Variants in SLC5A9 observed in about 807,000 individuals in gnomAD.
The protein encoded by SLC5A9 is solute carrier family 5 member 9.
Under a neutral mutation model 70.9 loss-of-function variants are expected in SLC5A9, and 59 were observed. The ratio of observed to expected loss-of-function variants is 0.83; its 90% CI spans 0.68 to 1.03. The LOEUF is 1.03. Among genes scored for constraint, SLC5A9 ranks in the 50% least tolerant of loss-of-function variants. SLC5A9 has a pLI of 0.00. For missense variants in SLC5A9, 832 were observed against 881.1 expected (o/e 0.94, Z 0.71); for synonymous variants, 340 against 346.5 (o/e 0.98, Z 0.21).
chr1:48,229,016 A>T, intron 3 of SLC5A9, 62 bp downstream of exon 3: 1 of 1,613,420 alleles, frequency 6.2e-7, no homozygotes, highest in Non-Finnish European at 8.5e-7. Flanking sequence ...TGTCTCTGGC[A>T]TTAGTGCTGG....
rs1225450689 is a variant in SLC5A9, at chr1:48,229,176, A to T, written c.340-119A>T. The T allele has an allele frequency of 1.2e-6, 2 of 1,614,042 alleles. 1 individual carries two copies. The highest frequency in any genetic ancestry group is 2.2e-5 in the South Asian group (2 of 91,070). On this transcript the variant is annotated intron_variant, in intron 3 of 13. Transcript: ENST00000438567. ...CACGGGAGGACTGGGGTCAGGTCCC[A>T]GGTCTCTTATTTCTCTGTTCGGGGG...
intron 10 of SLC5A9, 64 bp downstream of exon 10, chr1:48,235,943 C>T: frequency 1.3e-6 from 2 of 1,598,150 alleles, no homozygotes; most frequent in Non-Finnish European, 1.7e-6. Context: ...CCCTGGGTTA[C>T]CCTGAACAGA....
chr1:48,229,134 G>A (rs1644208536), intron 3 of SLC5A9, 161 bp from the exon 4 acceptor site: 7 of 1,613,824 alleles, frequency 4.3e-6, no homozygotes, highest in Non-Finnish European at 5.9e-6. Context: ...GGAGACAGAG[G>A]GATCCATCCA....
chr1:48,244,155 G>A (rs1644423313), intron 13 of SLC5A9, among the ~76,000 whole-genome samples: 1 of 152,166 alleles, frequency 6.6e-6, no homozygotes, highest in African/African-American at 2.4e-5. Flanking sequence ...GTGCCTGGAC[G>A]GAGTTAGGGT....
Position 48,242,626 on chromosome 1 carries a change from G to A in SLC5A9, c.1837+10G>A, listed in dbSNP as rs201538067. On this transcript the variant is annotated intron_variant, in intron 13 of 13. Coordinates refer to ENST00000438567, the MANE Select transcript of SLC5A9 (RefSeq NM_001011547.3). ...CAGGAGCAGCCTGAAGGTAGGCTGC[G>A]GCAGGCCGGGGGATACTCATCACAG... The A allele has an allele frequency of 1.1e-3, 1,828 of 1,602,314 alleles. No homozygotes were observed. Among genetic ancestry groups the A allele is most frequent in the Non-Finnish European group, 1.5e-3 (1,706 of 1,174,124 alleles).
intron 2 of SLC5A9, among the ~76,000 whole-genome samples, chr1:48,227,346 G>A (rs1644172828): frequency 7.0e-6 from 1 of 143,384 alleles, no homozygotes; most frequent in Non-Finnish European, 1.5e-5. Context: ...GTGTCAGAGT[G>A]TGTGTGTACT....
intron 5 of SLC5A9, 148 bp from the exon 6 acceptor site, chr1:48,231,397 G>C: frequency 1.0e-6 from 1 of 976,430 alleles, no homozygotes; most frequent in South Asian, 1.7e-5. Context: ...GGGAACACTA[G>C]GTGCGGAGAA....
At position 48,247,702 on chromosome 1, in the gene SLC5A9, A is replaced by C; in HGVS notation, c.*159A>C. 1 of 691,318 alleles carries C rather than the reference A, an allele frequency of 1.4e-6. No homozygotes were observed. Among genetic ancestry groups the C allele is most frequent in the Non-Finnish European group, 2.5e-6 (1 of 407,330 alleles). The allele number at this position is 691,318 out of a possible 1,614,324, so 42.8% of individuals were successfully genotyped here. A position where few individuals can be genotyped will look rare whatever the true frequency, so the allele number is the denominator to read the frequency against. On this transcript the variant is annotated 3_prime_UTR_variant, in exon 14 of 14. Transcript: ENST00000438567. The stretch of plus-strand genomic sequence containing the variant: ...GAATCCAACTCAACCTGCACACTTG[A>C]CAAGTGGAGAAACAGAAGCCCAGAG...
intron 2 of SLC5A9, among the ~76,000 whole-genome samples, chr1:48,226,815 C>CAAGA (rs1644153970): frequency 1.3e-5 from 2 of 152,242 alleles, no homozygotes; most frequent in Admixed American, 6.5e-5. Context: ...GGAGGTGCCT[C>CAAGA]ACTGCTCCAA....
chr1:48,229,709 A>T (rs1375340309), intron 4 of SLC5A9: 1 of 541,972 alleles, frequency 1.8e-6, no homozygotes. Flanking sequence ...TCATTCATTT[A>T]TTTTTTCATT....
intron 9 of SLC5A9, among the ~76,000 whole-genome samples, chr1:48,235,278 A>G (rs1644310730): frequency 2.0e-5 from 3 of 152,222 alleles, no homozygotes; most frequent in Admixed American, 2.0e-4. Context: ...CACCATGTCA[A>G]TGAAGAAGGT....
intron 9 of SLC5A9, among the ~76,000 whole-genome samples, chr1:48,235,254 C>A (rs1644310202): frequency 6.6e-6 from 1 of 152,210 alleles, no homozygotes; most frequent in African/African-American, 2.4e-5. Context: ...CAAGCCAGGG[C>A]TTTAGCCCAA....
rs180718958 is a variant in SLC5A9, at chr1:48,228,419, C to G, written c.235-431C>G. On this transcript the variant is annotated intron_variant, in intron 2 of 13. Coordinates refer to ENST00000438567, the MANE Select transcript of SLC5A9 (RefSeq NM_001011547.3). ...TCGACCTGGCCTGTGCTCAGTCCCT[C>G]GGCTCCTCCCTCTGCCTGGCTATCC... The G allele has an allele frequency of 1.6e-5, 3 of 185,530 alleles. No individual in the cohort carries two copies. The East Asian group carries it at 4.2e-4, about 26-fold the overall frequency. 11.5% of individuals were successfully genotyped at this position (185,530 alleles called of 1,614,324 possible).
rs114587323 is a variant in SLC5A9, at chr1:48,230,292, C to T, written c.505-308C>T. On this transcript the variant is annotated intron_variant, in intron 4 of 13. Coordinates refer to ENST00000438567, the MANE Select transcript of SLC5A9 (RefSeq NM_001011547.3). ...GAGCTCTTCTTCTCCAGCCCAGCAC[C>T]TTCCTTCACTTCCTCAGCCTTCCAC... Among the ~76,000 whole-genome samples, 815 of 152,338 alleles carry T rather than the reference C, an allele frequency of 5.3e-3. 12 individuals are homozygous for T. Among genetic ancestry groups the T allele is most frequent in the African/African-American group, 0.019 (790 of 41,574 alleles).
At chr1:48,229,246 T>C in intron 3 of SLC5A9, 49 bp from the exon 4 acceptor site, 1 of 1,613,820 alleles carries the variant, frequency 6.2e-7, no homozygotes, top group East Asian at 2.2e-5. Context: ...GCCGCCCCTC[T>C]GTCTACATCC....
chr1:48,230,487 C>T, intron 4 of SLC5A9, 113 bp from the exon 5 acceptor site: 3 of 707,654 alleles, frequency 4.2e-6, no homozygotes, highest in Non-Finnish European at 7.6e-6. Context: ...TCATTTTCAT[C>T]ATGTGATGAG....
At chr1:48,227,407 TGGGC>T (rs1221432958) in intron 2 of SLC5A9, among the ~76,000 whole-genome samples, 1 of 136,274 alleles carries the variant, frequency 7.3e-6, no homozygotes, top group Non-Finnish European at 1.5e-5. Context: ...TGTGCCTGTG[TGGGC>T]GTGAGTGCAT....
chr1:48,229,249 C>T lies in SLC5A9; in HGVS notation c.340-46C>T, dbSNP rs746896715. 1.1e-5 allele frequency: 18 copies of T among 1,613,988 alleles called. No homozygotes were observed. In the East Asian group the frequency reaches 3.8e-4, roughly 34 times the overall value. ...TCTGGGTGGGAAGCCGCCCCTCTGT[C>T]TACATCCAGGACCTGGATACCTTCT... On this transcript the variant is annotated intron_variant, in intron 3 of 13. Coordinates refer to ENST00000438567, the MANE Select transcript of SLC5A9 (RefSeq NM_001011547.3).
Position 48,232,405 on chromosome 1 carries a change from T to A in SLC5A9, c.936T>A (p.Ser312=). 6.2e-7 allele frequency: 1 copy of A among 1,614,186 alleles called. No homozygotes were observed. The highest frequency in any genetic ancestry group is 1.3e-5 in the African/African-American group (1 of 75,040). The change falls in exon 8 of 14, where the codon TCT becomes TCA. Residue 312 remains serine (S), a synonymous_variant. Transcript: ENST00000438567. The part of the protein sequence containing the change: ...VQRSLSAKSL[S]HAKGGSVLGG... ...GGTCTCTCTCGGCCAAGAGTCTGTC[T>A]CATGCCAAGGGAGGCTCCGTGCTGG... is the stretch of plus-strand genomic sequence containing the variant.
Sources: gnomAD v4.1 joint callset for allele counts (sites outside exome capture counted in the v4.1 genomes callset) on GRCh38, gnomAD v4.1.1 for gene constraint, MANE v1.5 for transcripts, NCBI Gene and HGNC (gene_info 2026-07-23, HGNC 2026-07-21) for gene names.